The following NSD1 variants were observed in gnomAD, a reference collection of about 807,000 sequenced individuals.
The protein encoded by NSD1 is histone-lysine N-methyltransferase, H3 lysine-36 specific.
NSD1 carries 26 observed loss-of-function variants against 242.7 expected under a neutral mutation model. The ratio of observed to expected loss-of-function variants is 0.11; its 90% CI spans 0.08 to 0.15. The LOEUF (loss-of-function observed/expected upper bound fraction) is 0.15, where lower values mean the gene tolerates loss of function less well. Ranked by LOEUF, NSD1 falls within the 10% of genes least tolerant of loss-of-function variation. NSD1 has a pLI of 1.00. For synonymous variants in NSD1, 1,106 were observed against 1,178.1 expected, an observed-to-expected ratio of 0.94 and a Z score of 1.25; for missense variants, 2,495 against 3,272.8, an observed-to-expected ratio of 0.76 and a Z score of 5.80.
At chr5:177,253,197 A>G (rs1293813487) in intron 12 of NSD1, among the ~76,000 whole-genome samples, 3 of 152,222 alleles carry the variant, frequency 2.0e-5, no homozygotes, top group Non-Finnish European at 4.4e-5. Context: ...ATAGCCGTAT[A>G]CATAACTTCT....
At chr5:177,234,418 A>C (rs1206864141) in intron 5 of NSD1, among the ~76,000 whole-genome samples, 1 of 152,192 alleles carries the variant, frequency 6.6e-6, no homozygotes, top group African/African-American at 2.4e-5. Context: ...GTCAGTTTAT[A>C]AAATGAGAGC....
Position 177,281,638 on chromosome 5 carries a change from T to C in NSD1, c.5892+804T>C, listed in dbSNP as rs974413618. Among the ~76,000 whole-genome samples, 12 of 152,228 alleles carry C rather than the reference T, an allele frequency of 7.9e-5. 1 individual carries two copies. Among genetic ancestry groups the C allele is most frequent in the African/African-American group, 2.9e-4 (12 of 41,550 alleles). ...AAAGGAACTGAAACTAGTTTGTCTC[T>C]GATGATATTATATTTTATTTTATTT... On this transcript the variant is annotated intron_variant, in intron 18 of 22. Coordinates refer to ENST00000439151, the MANE Select transcript of NSD1 (RefSeq NM_022455.5).
intron 5 of NSD1, among the ~76,000 whole-genome samples, chr5:177,223,659 A>G (rs994585669): frequency 6.6e-6 from 1 of 152,174 alleles, no homozygotes; most frequent in Non-Finnish European, 1.5e-5. Context: ...CCTTATTGAT[A>G]GTCAGTTGGT....
In NSD1 at chr5:177,282,443, CAGG is replaced by C; in HGVS notation, c.5893-18_5893-16del. ...CCAGTGTCCTTTTTTGCCATTAAGT[CAGG>C]AGGTATTTCTTGTTCTAGGGTGAAT... On this transcript the variant is annotated intron_variant, in intron 18 of 22. Transcript: ENST00000439151. 6.6e-7 allele frequency: 1 copy of C among 1,509,202 alleles called. No individual in the cohort carries two copies. The highest frequency in any genetic ancestry group is 9.2e-7 in the Non-Finnish European group (1 of 1,085,732). The allele number at this position is 1,509,202 out of a possible 1,614,324, so 93.5% of individuals were successfully genotyped here. A position where few individuals can be genotyped will look rare whatever the true frequency, so the allele number is the denominator to read the frequency against.
intron 5 of NSD1, among the ~76,000 whole-genome samples, chr5:177,214,802 C>T (rs1581337585): frequency 6.6e-6 from 1 of 151,840 alleles, no homozygotes; most frequent in East Asian, 2.0e-4. Context: ...TGGGTTCAAG[C>T]AATTCTCCTG....
chr5:177,209,882 G>T lies in NSD1; in HGVS notation c.1483G>T (p.Ala495Ser), dbSNP rs752490855. 2.5e-6 allele frequency: 4 copies of T among 1,614,116 alleles called. No homozygotes were observed. Among genetic ancestry groups the T allele is most frequent in the Non-Finnish European group, 3.4e-6 (4 of 1,180,026 alleles). The change falls in exon 5 of 23, where the codon GCT becomes TCT. Residue 495 changes from alanine (A) to serine (S), a missense_variant. Ala to Ser is a moderately conservative substitution (Grantham distance 99, BLOSUM62 1). Around this residue, in one of 19 missense-constraint regions of NSD1, gnomAD observed 515 missense variants for 467.0 expected, o/e 1.10. Coordinates refer to ENST00000439151, the MANE Select transcript of NSD1 (RefSeq NM_022455.5). ...HSADEKEKPC[A>S]KSRARKSSDN... ...TGCAGATGAGAAGGAAAAGCCTTGC[G>T]CTAAATCTCGAGCCAGAAAGAGCTC...
At chr5:177,200,985 C>T (rs1762471358) in intron 3 of NSD1, among the ~76,000 whole-genome samples, 1 of 151,508 alleles carries the variant, frequency 6.6e-6, no homozygotes, top group Non-Finnish European at 1.5e-5. Context: ...CAACTTCTGT[C>T]TCCTGGGTTC....
rs115605133 is a variant in NSD1 at position 177,195,559 on chromosome 5, C to T, written c.1063+3540C>T. Reference sequence around the variant, plus strand: ...CATGACTCATTGCAGCCATAGCTTCCCAGGGTCAAGCGATCTTCCCTCCTG... The same window carrying T: ...CATGACTCATTGCAGCCATAGCTTCTCAGGGTCAAGCGATCTTCCCTCCTG... On this transcript the variant is annotated intron_variant, in intron 3 of 22. Transcript: ENST00000439151. Among the ~76,000 whole-genome samples, 801 of 152,174 alleles carry T rather than the reference C, an allele frequency of 5.3e-3. 6 individuals are homozygous for T. Among genetic ancestry groups the T allele is most frequent in the African/African-American group, 0.018 (759 of 41,512 alleles).
At chr5:177,232,079 A>G (rs959683533) in intron 5 of NSD1, among the ~76,000 whole-genome samples, 1 of 151,818 alleles carries the variant, frequency 6.6e-6, no homozygotes, top group African/African-American at 2.4e-5. Context: ...TTTTATGTTT[A>G]GTAGAGGCAT....
intron 12 of NSD1, among the ~76,000 whole-genome samples, chr5:177,252,376 G>C (rs1050163625): frequency 2.6e-5 from 4 of 151,930 alleles, no homozygotes; most frequent in Admixed American, 6.6e-5. Context: ...CTTAGGATGC[G>C]TGTACTTTAT....
At chr5:177,164,946 T>TA (rs377654174) in intron 2 of NSD1, among the ~76,000 whole-genome samples, 4,475 of 134,328 alleles carry the variant, frequency 0.033, 70 homozygotes, top group Middle Eastern at 0.047. Flanking sequence ...TCTGTCTCAT[T>TA]AAAAAAAAAA....
Position 177,210,058 on chromosome 5 carries a change from G to A in NSD1, c.1659G>A (p.Arg553=), listed in dbSNP as rs745308019. The change falls in exon 5 of 23, where the codon AGG becomes AGA. Residue 553 remains arginine (R), a synonymous_variant. Coordinates refer to ENST00000439151, the MANE Select transcript of NSD1 (RefSeq NM_022455.5). Reference sequence around the variant, plus strand: ...CGCAGGCCTCTAATGAACTTTCCAGGATAGCAAATAGCCTCACAGGGTCCA... The same window carrying A: ...CGCAGGCCTCTAATGAACTTTCCAGAATAGCAAATAGCCTCACAGGGTCCA... The part of the protein sequence containing the change: ...SDTQASNELS[R]IANSLTGSNT... 1 of 1,613,974 alleles carries A rather than the reference G, an allele frequency of 6.2e-7. No individual in the cohort carries two copies. Among genetic ancestry groups the A allele is most frequent in the East Asian group, 2.2e-5 (1 of 44,888 alleles).
chr5:177,289,874 C>T (rs1759648280), intron 21 of NSD1, among the ~76,000 whole-genome samples: 1 of 150,620 alleles, frequency 6.6e-6, no homozygotes, highest in South Asian at 2.1e-4. Flanking sequence ...GTTGCCCAGG[C>T]TGGAGTGCAG....
At chr5:177,272,750 G>T (rs1581505030) in intron 16 of NSD1, among the ~76,000 whole-genome samples, 2 of 152,200 alleles carry the variant, frequency 1.3e-5, no homozygotes, top group South Asian at 2.1e-4. Flanking sequence ...TGGCATGGTG[G>T]TGCATGCCTG....
chr5:177,173,466 C>CTTTTTTTT (rs768982432), intron 2 of NSD1, among the ~76,000 whole-genome samples: 37 of 62,204 alleles, frequency 5.9e-4, no homozygotes, highest in African/African-American at 1.1e-3. Flanking sequence ...TACTATCTGG[C>CTTTTTTTT]TTTTTTTTTT....
chr5:177,213,024 A>G (rs1337111692), intron 5 of NSD1, among the ~76,000 whole-genome samples: 1 of 152,222 alleles, frequency 6.6e-6, no homozygotes, highest in Non-Finnish European at 1.5e-5. Context: ...AACTGCAAGT[A>G]TTCTGTAGTA....
intron 20 of NSD1, chr5:177,288,528 AT>A (rs1211431017): frequency 2.8e-6 from 1 of 352,192 alleles, no homozygotes; most frequent in African/African-American, 2.1e-5. Flanking sequence ...GAATTAACAT[AT>A]TTTGAATCTG....
At chr5:177,254,376 A>T (rs761314751) in intron 12 of NSD1, among the ~76,000 whole-genome samples, 1 of 152,062 alleles carries the variant, frequency 6.6e-6, no homozygotes, top group South Asian at 2.1e-4. Flanking sequence ...TGCTTAACCC[A>T]GTGTCACAAA....
chr5:177,246,778 A>G lies in NSD1; in HGVS notation c.4479A>G (p.Lys1493=). ...CKKVKNDDSS[K]EIPGSEGELM... ...AAGTGAAAAATGATGACTCGTCAAAAGAGATTCCAGGCTCAGAGGTATTAC... is the reference window on the plus strand; with the variant it reads ...AAGTGAAAAATGATGACTCGTCAAAGGAGATTCCAGGCTCAGAGGTATTAC... Residue 1493 remains lysine, a synonymous_variant, in exon 10 of 23, where the codon AAA becomes AAG. Coordinates refer to ENST00000439151, the MANE Select transcript of NSD1 (RefSeq NM_022455.5). The G allele has an allele frequency of 2.5e-6, 4 of 1,612,720 alleles. No homozygotes were observed. The highest frequency in any genetic ancestry group is 3.4e-6 in the Non-Finnish European group (4 of 1,178,748).
Sources: allele counts gnomAD v4.1 joint callset (sites outside exome capture counted in the v4.1 genomes callset), GRCh38; gene constraint gnomAD v4.1.1; regional missense constraint gnomAD v4.1.1; transcripts MANE v1.5; gene names NCBI Gene and HGNC (gene_info 2026-07-23, HGNC 2026-07-21).